MMP26: variants seen among roughly 807,000 people sequenced by gnomAD.
MMP26 encodes the protein matrix metalloproteinase-26.
MMP26 carries 33 observed loss-of-function variants against 31.0 expected under a neutral mutation model. The ratio of observed to expected loss-of-function variants is 1.06; its 90% confidence interval spans 0.81 to 1.42. The LOEUF (loss-of-function observed/expected upper bound fraction) is 1.42, where lower values mean the gene tolerates loss of function less well. Among genes scored for constraint, MMP26 ranks in the 40% most tolerant of loss-of-function variants. The probability of loss-of-function intolerance (pLI) is 0.00; values close to 1 mark genes in which losing one functional copy is unlikely to be tolerated. For missense variants in MMP26, 347 were observed against 316.1 expected, an observed-to-expected ratio of 1.10 and a Z score of -0.74; for synonymous variants, 122 against 114.9, an observed-to-expected ratio of 1.06 and a Z score of -0.40.
intron 5 of MMP26, among the ~76,000 whole-genome samples, chr11:4,991,009 G>A (rs192347400): frequency 3.9e-5 from 6 of 152,260 alleles, no homozygotes; most frequent in Non-Finnish European, 7.4e-5. Flanking sequence ...GCATAGCTCC[G>A]AAATCTATTG....
intron 2 of MMP26, chr11:4,821,451 G>A (rs1849496963): frequency 6.2e-7 from 1 of 1,613,830 alleles, no homozygotes; most frequent in Middle Eastern, 1.7e-4. Flanking sequence ...CCATTGCTGA[G>A]CCTCTGATCT....
chr11:4,925,988 G>A (rs928765766), intron 2 of MMP26, among the ~76,000 whole-genome samples: 5 of 152,078 alleles, frequency 3.3e-5, no homozygotes, highest in African/African-American at 1.2e-4. Context: ...CTACAGATGG[G>A]TGAGAATATT....
intron 1 of MMP26, among the ~76,000 whole-genome samples, chr11:4,763,263 A>G (rs899140675): frequency 1.3e-5 from 2 of 152,160 alleles, no homozygotes; most frequent in South Asian, 4.1e-4. Flanking sequence ...GCCAAAGGAG[A>G]CACTGACCAA....
At chr11:4,776,203 A>G (rs889666816) in intron 2 of MMP26, among the ~76,000 whole-genome samples, 3 of 152,066 alleles carry the variant, frequency 2.0e-5, no homozygotes, top group Admixed American at 1.3e-4. Flanking sequence ...TCTTTGATGG[A>G]CACCCAGGTT....
intron 2 of MMP26, among the ~76,000 whole-genome samples, chr11:4,811,358 C>A (rs1325496361): frequency 1.3e-5 from 2 of 152,132 alleles, no homozygotes; most frequent in Non-Finnish European, 2.9e-5. Flanking sequence ...TTCAATCCAA[C>A]CTCCACGCTC....
chr11:4,784,670 CT>C (rs1848910736), intron 2 of MMP26, among the ~76,000 whole-genome samples: 1 of 152,136 alleles, frequency 6.6e-6, no homozygotes, highest in African/African-American at 2.4e-5. Flanking sequence ...TGTGTGGGCT[CT>C]TGACACCTTG....
At chr11:4,819,632 A>G (rs914337221) in intron 2 of MMP26, among the ~76,000 whole-genome samples, 4 of 123,518 alleles carry the variant, frequency 3.2e-5, no homozygotes, top group Admixed American at 1.1e-4. Context: ...AGGCTGGAGT[A>G]CAGTGACACA....
At chr11:4,929,403 A>G (rs1390127097) in intron 2 of MMP26, among the ~76,000 whole-genome samples, 3 of 152,164 alleles carry the variant, frequency 2.0e-5, no homozygotes, top group Non-Finnish European at 2.9e-5. Flanking sequence ...AGCAGGTACT[A>G]TCACTGTGGT....
At chr11:4,945,510 T>G (rs886869756) in intron 2 of MMP26, 2 of 153,508 alleles carry the variant, frequency 1.3e-5, no homozygotes, top group Admixed American at 6.5e-5. Context: ...CACTTACACA[T>G]TCAATTTGCC....
rs59618482 is a variant in MMP26, at chr11:4,926,504, T to G, written c.-144-61564T>G. 6.3e-3 allele frequency among the ~76,000 whole-genome samples: 961 copies of G among 152,340 alleles called. 11 individuals carry two copies. Among genetic ancestry groups the G allele is most frequent in the African/African-American group, 0.022 (917 of 41,576 alleles). ...TCAAGTAAAAGTTTAAATATATGTA[T>G]GACTTTTCAGCCAGCAGGCATAGTG... is the stretch of plus-strand genomic sequence containing the variant. On this transcript the variant is annotated intron_variant, in intron 2 of 7. Transcript: ENST00000380390.
At chr11:4,963,121 A>G (rs2133622963) in intron 2 of MMP26, among the ~76,000 whole-genome samples, 1 of 152,228 alleles carries the variant, frequency 6.6e-6, no homozygotes, top group African/African-American at 2.4e-5. Context: ...TCATGAGTGA[A>G]CTCCCATTAA....
At chr11:4,759,368 C>G (rs1848545173) in intron 1 of MMP26, among the ~76,000 whole-genome samples, 1 of 152,034 alleles carries the variant, frequency 6.6e-6, no homozygotes, top group Non-Finnish European at 1.5e-5. Context: ...GACTTCATTT[C>G]CTTTCAATCA....
At chr11:4,852,557 G>A (rs1394405130) in intron 2 of MMP26, among the ~76,000 whole-genome samples, 1 of 152,084 alleles carries the variant, frequency 6.6e-6, no homozygotes, top group African/African-American at 2.4e-5. Context: ...ACGATCAATA[G>A]CCAAACTAAA....
chr11:4,914,603 T>A (rs1851044784), intron 2 of MMP26: 4 of 718,736 alleles, frequency 5.6e-6, no homozygotes, highest in Non-Finnish European at 9.3e-6. Flanking sequence ...AACTCATCCC[T>A]GTACATGTTT....
chr11:4,915,747 A>T (rs779356818), intron 2 of MMP26: 5 of 820,004 alleles, frequency 6.1e-6, no homozygotes, highest in Non-Finnish European at 9.6e-6. Context: ...CACCTGGTGG[A>T]AATTAAAGAA....
intron 2 of MMP26, among the ~76,000 whole-genome samples, chr11:4,917,423 A>T (rs1483742298): frequency 2.6e-5 from 4 of 152,228 alleles, no homozygotes; most frequent in African/African-American, 9.6e-5. Context: ...TTCAGTGTCA[A>T]GTGGCAGAGC....
chr11:4,988,068 G>T lies in MMP26; in HGVS notation c.-144G>T. 1 of 730,978 alleles carries T rather than the reference G, an allele frequency of 1.4e-6. No homozygotes were observed. The highest frequency in any genetic ancestry group is 2.5e-6 in the Non-Finnish European group (1 of 402,762). 45.3% of individuals were successfully genotyped at this position (730,978 alleles called of 1,614,324 possible). A position where few individuals can be genotyped will look rare whatever the true frequency, so the allele number is the denominator to read the frequency against. On this transcript the variant is annotated splice_region_variant and 5_prime_UTR_variant, in exon 3 of 8. Transcript: ENST00000380390. ...ATGCTGGTCACTCTGCCCTCAGCAG[G>T]TATGGATGATGACGCCACTCACAGA...
At chr11:4,769,398 T>A (rs1365048479) in intron 2 of MMP26, 19 of 1,613,888 alleles carry the variant, frequency 1.2e-5, no homozygotes, top group Non-Finnish European at 1.4e-5. Flanking sequence ...GAAAGGGCAT[T>A]CATTCTACAG....
chr11:4,971,628 A>G (rs1327419491), intron 2 of MMP26, among the ~76,000 whole-genome samples: 1 of 152,156 alleles, frequency 6.6e-6, no homozygotes, highest in Non-Finnish European at 1.5e-5. Context: ...AAACATCAAG[A>G]GTAGGGAAGA....
Sources: gnomAD v4.1 joint callset for allele counts (sites outside exome capture counted in the v4.1 genomes callset) on GRCh38, gnomAD v4.1.1 for gene constraint, MANE v1.5 for transcripts, NCBI Gene and HGNC (gene_info 2026-07-23, HGNC 2026-07-21) for gene names.